The following ZNF205 variants were observed in gnomAD, a reference collection of about 807,000 sequenced individuals.
ZNF205 encodes transcriptional repressor RHIT.
Under a neutral mutation model 53.6 loss-of-function variants are expected in ZNF205, and 32 were observed. The ratio of observed to expected loss-of-function variants is 0.60; its 90% confidence interval spans 0.45 to 0.80. The LOEUF (loss-of-function observed/expected upper bound fraction) is 0.80. Among genes scored for constraint, ZNF205 ranks in the 30% least tolerant of loss-of-function variants. The pLI, the probability that ZNF205 is intolerant of heterozygous loss-of-function variation, is 0.00. For synonymous variants in ZNF205, 382 were observed against 334.3 expected, an observed-to-expected ratio of 1.14 and a Z score of -1.56; for missense variants, 836 against 782.4, an observed-to-expected ratio of 1.07 and a Z score of -0.82.
At chr16:3,113,510 G>C (rs772309161) in intron 2 of ZNF205, 23 bp downstream of exon 2, 5 of 1,612,238 alleles carry the variant, frequency 3.1e-6, no homozygotes, top group Non-Finnish European at 4.2e-6. Context: ...CTGGCTGAGG[G>C]AGGTGTGCGG....
intron 5 of ZNF205, among the ~76,000 whole-genome samples, chr16:3,118,669 C>T (rs74005591): frequency 0.057 from 8,715 of 152,198 alleles, 791 homozygotes; most frequent in African/African-American, 0.19. Context: ...TGCCCACTCC[C>T]GTCCCTTAAA....
At position 3,115,924 on chromosome 16, in the gene ZNF205, A is replaced by G; in HGVS notation, c.363+4A>G. On this transcript the variant is annotated splice_donor_region_variant and intron_variant, in intron 4 of 6. Coordinates refer to ENST00000219091, the MANE Select transcript of ZNF205 (RefSeq NM_001042428.2). Reference sequence around the variant, plus strand: ...GCTCCTCACTGCCTGGTCCCAGGTGAGTGGCCCTTCCCCGGCCCCTGCATG... The same window carrying G: ...GCTCCTCACTGCCTGGTCCCAGGTGGGTGGCCCTTCCCCGGCCCCTGCATG... The G allele has an allele frequency of 6.2e-7, 1 of 1,612,762 alleles. No homozygotes were observed. Among genetic ancestry groups the G allele is most frequent in the Non-Finnish European group, 8.5e-7 (1 of 1,179,508 alleles).
At position 3,120,399 on chromosome 16, in the gene ZNF205, G is replaced by A; in HGVS notation, c.*74G>A. 7.0e-7 allele frequency: 1 copy of A among 1,423,222 alleles called. No homozygotes were observed. The allele number at this position is 1,423,222 out of a possible 1,614,324, so 88.2% of individuals were successfully genotyped here. ...CACTGGAGTCAAGGCTCCGAGGGAG[G>A]AGAGAGGGGCTCGGGAAGGGAGCTG... On this transcript the variant is annotated 3_prime_UTR_variant, in exon 7 of 7. Coordinates refer to ENST00000219091, the MANE Select transcript of ZNF205 (RefSeq NM_001042428.2).
rs771855876 is a variant in ZNF205 at position 3,119,498 on chromosome 16, G to A, written c.838G>A (p.Glu280Lys). 2.8e-5 allele frequency: 44 copies of A among 1,595,794 alleles called. 2 individuals are homozygous for A. The South Asian group carries it at 4.6e-4, about 17-fold the overall frequency. Reference protein sequence around the residue: ...PTEPQEYRVPEKPNEEEKGAP... With the variant: ...PTEPQEYRVPKKPNEEEKGAP... The stretch of plus-strand genomic sequence containing the variant: ...GGAGCCCCAGGAGTACCGCGTCCCG[G>A]AGAAGCCCAACGAGGAGGAGAAGGG... Residue 280 changes from glutamate to lysine, a missense_variant, in exon 7 of 7, where the codon GAG becomes AAG. Transcript: ENST00000219091.
At position 3,120,314 on chromosome 16, in the gene ZNF205, G is replaced by A. The variant is rs1957412484; in HGVS notation, c.1654G>A (p.Ala552Thr). Reference sequence around the variant, plus strand: ...GGGGGCTCTGGCCACACCCCCACCCGCTCCCACCTAGGAGGCCAGGAAAGG... The same window carrying A: ...GGGGGCTCTGGCCACACCCCCACCCACTCCCACCTAGGAGGCCAGGAAAGG... ...AAGALATPPP[A>T]PT Residue 552 changes from alanine to threonine, a missense_variant, in exon 7 of 7, where the codon GCT (alanine) becomes ACT (threonine). Physicochemically the swap from Ala to Thr is moderately conservative, Grantham distance 58. Coordinates refer to ENST00000219091, the MANE Select transcript of ZNF205 (RefSeq NM_001042428.2). 6.4e-7 allele frequency: 1 copy of A among 1,555,724 alleles called. No individual in the cohort carries two copies. Among genetic ancestry groups the A allele is most frequent in the Non-Finnish European group, 8.6e-7 (1 of 1,159,656 alleles).
Position 3,118,943 on chromosome 16 carries a change from C to G in ZNF205, c.523C>G (p.His175Asp). Residue 175 changes from histidine (H) to aspartate (D), a missense_variant, in exon 6 of 7, where the codon CAC becomes GAC. His to Asp is a moderately conservative substitution (Grantham distance 81, BLOSUM62 -1). Coordinates refer to ENST00000219091, the MANE Select transcript of ZNF205 (RefSeq NM_001042428.2). The part of the protein sequence containing the change: ...FSRPFWAPQA[H>D]GKGEASGSSR... ...CAGGCCTTTCTGGGCCCCTCAAGCGCACGGCAAGGGTGAGGCCTCGGGCTC... is the reference window on the plus strand; with the variant it reads ...CAGGCCTTTCTGGGCCCCTCAAGCGGACGGCAAGGGTGAGGCCTCGGGCTC... The G allele has an allele frequency of 1.2e-6, 2 of 1,613,630 alleles. No homozygotes were observed. The highest frequency in any genetic ancestry group is 1.7e-6 in the Non-Finnish European group (2 of 1,179,970).
At chr16:3,116,176 T>G in intron 4 of ZNF205, 1 of 653,850 alleles carries the variant, frequency 1.5e-6, no homozygotes, top group East Asian at 2.8e-5. Context: ...AGGTCTCAGC[T>G]GAGGCTGGGG....
In ZNF205 at chr16:3,119,994, T is replaced by G. The variant is rs763805926; in HGVS notation, c.1334T>G (p.Val445Gly). The G allele has an allele frequency of 1.2e-6, 2 of 1,612,936 alleles. No homozygotes were observed. Reference sequence around the variant, plus strand: ...ACCCACCAGCGCACCCACACTGGGGTCAAGCCCTATCCGTGCCCCGAGTGC... The same window carrying G: ...ACCCACCAGCGCACCCACACTGGGGGCAAGCCCTATCCGTGCCCCGAGTGC... ...LVTHQRTHTGVKPYPCPECGK... is the reference protein window; with the variant it reads ...LVTHQRTHTGGKPYPCPECGK... Residue 445 changes from valine to glycine, a missense_variant, in exon 7 of 7, where the codon GTC (valine) becomes GGC (glycine). Physicochemically the swap from Val to Gly is moderately radical, Grantham distance 109. Coordinates refer to ENST00000219091, the MANE Select transcript of ZNF205 (RefSeq NM_001042428.2).
chr16:3,116,677 G>A, intron 5 of ZNF205, 130 bp downstream of exon 5: 1 of 1,337,156 alleles, frequency 7.5e-7, no homozygotes, highest in Non-Finnish European at 1.0e-6. Context: ...CTGTTCTATG[G>A]AAACTTCTGT....
At chr16:3,117,210 C>T (rs756004931) in intron 5 of ZNF205, among the ~76,000 whole-genome samples, 29 of 152,202 alleles carry the variant, frequency 1.9e-4, no homozygotes, top group Non-Finnish European at 3.5e-4. Flanking sequence ...ATCCGCAGGG[C>T]TCACTCCTAT....
chr16:3,115,283 CG>C, intron 2 of ZNF205, 71 bp from the exon 3 acceptor site: 2 of 1,243,926 alleles, frequency 1.6e-6, no homozygotes, highest in South Asian at 2.5e-5. Flanking sequence ...CCGACGCTGC[CG>C]GAGCGCACTG....
At chr16:3,116,827 C>T (rs1957352354) in intron 5 of ZNF205, among the ~76,000 whole-genome samples, 1 of 152,214 alleles carries the variant, frequency 6.6e-6, no homozygotes, top group East Asian at 1.9e-4. Flanking sequence ...CGGAGTCTCG[C>T]TCTGTCACCC....
chr16:3,115,717 G>A, intron 3 of ZNF205, 112 bp from the exon 4 acceptor site: 4 of 1,393,758 alleles, frequency 2.9e-6, no homozygotes, highest in South Asian at 2.8e-5. Context: ...CAGCGTCAGA[G>A]CCATCCGACC....
chr16:3,117,799 G>A (rs1246798639), intron 5 of ZNF205, among the ~76,000 whole-genome samples: 3 of 150,814 alleles, frequency 2.0e-5, no homozygotes, highest in East Asian at 2.0e-4. Context: ...GTTTTAATAC[G>A]GAAAAATCAG....
At chr16:3,116,219 C>A in intron 4 of ZNF205, 1 of 713,624 alleles carries the variant, frequency 1.4e-6, no homozygotes, top group Non-Finnish European at 2.3e-6. Context: ...TAACTGTGAT[C>A]CCTGAAAATA....
chr16:3,119,485 G>A lies in ZNF205; in HGVS notation c.825G>A (p.Glu275=). ...ACCCCAGTCCCACGGAGCCCCAGGA[G>A]TACCGCGTCCCGGAGAAGCCCAACG... The part of the protein sequence containing the change: ...PPDPSPTEPQ[E]YRVPEKPNEE... The change falls in exon 7 of 7, where the codon GAG becomes GAA. Residue 275 remains glutamate, a synonymous_variant. Coordinates refer to ENST00000219091, the MANE Select transcript of ZNF205 (RefSeq NM_001042428.2). The A allele has an allele frequency of 6.3e-7, 1 of 1,591,586 alleles. No individual in the cohort carries two copies. Among genetic ancestry groups the A allele is most frequent in the Non-Finnish European group, 8.5e-7 (1 of 1,169,978 alleles).
At position 3,120,303 on chromosome 16, in the gene ZNF205, C is replaced by T; in HGVS notation, c.1643C>T (p.Thr548Ile). 1 of 1,570,288 alleles carries T rather than the reference C, an allele frequency of 6.4e-7. No individual in the cohort carries two copies. The highest frequency in any genetic ancestry group is 8.6e-7 in the Non-Finnish European group (1 of 1,166,546). The change falls in exon 7 of 7, where the codon ACA becomes ATA. Residue 548 changes from threonine to isoleucine, a missense_variant. Transcript: ENST00000219091. Reference protein sequence around the residue: ...LGAAAAGALATPPPAPT With the variant: ...LGAAAAGALAIPPPAPT ...GCGGCGGCGGCGGGGGCTCTGGCCA[C>T]ACCCCCACCCGCTCCCACCTAGGAG...
At chr16:3,113,763 C>G (rs912815400) in intron 2 of ZNF205, among the ~76,000 whole-genome samples, 2 of 152,196 alleles carry the variant, frequency 1.3e-5, no homozygotes, top group African/African-American at 4.8e-5. Context: ...GCGCTCAGAG[C>G]ACACAGGGAA....
chr16:3,120,412 G>C lies in ZNF205; in HGVS notation c.*87G>C. 7.2e-7 allele frequency: 1 copy of C among 1,396,662 alleles called. No homozygotes were observed. Among genetic ancestry groups the C allele is most frequent in the Non-Finnish European group, 9.4e-7 (1 of 1,063,856 alleles). 86.5% of individuals were successfully genotyped at this position (1,396,662 alleles called of 1,614,324 possible). The stretch of plus-strand genomic sequence containing the variant: ...GCTCCGAGGGAGGAGAGAGGGGCTC[G>C]GGAAGGGAGCTGGGGCGGTGAGGGC... On this transcript the variant is annotated 3_prime_UTR_variant, in exon 7 of 7. Coordinates refer to ENST00000219091, the MANE Select transcript of ZNF205 (RefSeq NM_001042428.2).
Sources: gnomAD v4.1 joint callset for allele counts (sites outside exome capture counted in the v4.1 genomes callset) on GRCh38, gnomAD v4.1.1 for gene constraint, MANE v1.5 for transcripts, NCBI Gene and HGNC (gene_info 2026-07-23, HGNC 2026-07-21) for gene names.